Variants in KCNIP4 observed in about 807,000 individuals in gnomAD.
KCNIP4 encodes potassium voltage-gated channel interacting protein 4.
In KCNIP4, 12 loss-of-function variants were observed where a neutral mutation model predicts 34.0. The ratio of observed to expected loss-of-function variants is 0.35; its 90% CI spans 0.23 to 0.57. The LOEUF is 0.57. KCNIP4 is among the 20% of genes least tolerant of loss of function. The probability of loss-of-function intolerance (pLI) is 0.83; values close to 1 mark genes in which losing one functional copy is unlikely to be tolerated. For missense variants in KCNIP4, 238 were observed against 311.7 expected (o/e 0.76, Z 1.78); for synonymous variants, 124 against 102.2 (o/e 1.21, Z -1.29).
At chr4:21,065,526 A>G (rs969251327) in intron 1 of KCNIP4, among the ~76,000 whole-genome samples, 1 of 151,940 alleles carries the variant, frequency 6.6e-6, no homozygotes, top group Non-Finnish European at 1.5e-5. Context: ...CTATTAATCG[A>G]TTATTATAAT....
chr4:21,226,778 G>A (rs1758438883), intron 1 of KCNIP4, among the ~76,000 whole-genome samples: 1 of 152,142 alleles, frequency 6.6e-6, no homozygotes, highest in Non-Finnish European at 1.5e-5. Flanking sequence ...GAAGCACTGA[G>A]GTGTAGTGAA....
In KCNIP4 at chr4:21,765,836, A is replaced by AC. The variant is rs201088236; in HGVS notation, c.61+182734_61+182735insG. The stretch of plus-strand genomic sequence containing the variant: ...CAGGCCGTGAAAAAAAAAAAAAAAA[A>AC]AAACAAACTGAAGATGTGTATGTGA... On this transcript the variant is annotated intron_variant, in intron 1 of 8. Transcript: ENST00000382152. 2.8e-3 allele frequency among the ~76,000 whole-genome samples: 418 copies of AC among 149,658 alleles called. 1 individual carries two copies. The highest frequency in any genetic ancestry group is 4.6e-3 in the Non-Finnish European group (314 of 67,700).
chr4:21,199,753 G>GCAGCATGCACACATATGTTTATTA (rs1443587701), intron 1 of KCNIP4, among the ~76,000 whole-genome samples: 1 of 151,678 alleles, frequency 6.6e-6, no homozygotes, highest in Admixed American at 6.6e-5. Flanking sequence ...TATGTTTATT[G>GCAGCATGCACACATATGTTTATTA]CAGCACTACT....
chr4:21,557,460 A>G (rs1739159968), intron 1 of KCNIP4, among the ~76,000 whole-genome samples: 1 of 152,164 alleles, frequency 6.6e-6, no homozygotes, highest in Admixed American at 6.6e-5. Flanking sequence ...TATATGGATG[A>G]ACCTCATGAC....
At chr4:20,771,721 G>T (rs1394633787) in intron 3 of KCNIP4, among the ~76,000 whole-genome samples, 1 of 151,922 alleles carries the variant, frequency 6.6e-6, no homozygotes, top group Non-Finnish European at 1.5e-5. Flanking sequence ...CCAGGCTGGA[G>T]TGCAGTGCTG....
intron 1 of KCNIP4, among the ~76,000 whole-genome samples, chr4:21,659,668 T>C (rs377284197): frequency 1.6e-4 from 25 of 152,288 alleles, no homozygotes; most frequent in African/African-American, 5.5e-4. Context: ...GGTGAGTACT[T>C]AATAAACCAC....
At chr4:20,765,917 T>C (rs563056266) in intron 3 of KCNIP4, among the ~76,000 whole-genome samples, 8 of 152,300 alleles carry the variant, frequency 5.3e-5, no homozygotes, top group African/African-American at 1.9e-4. Flanking sequence ...TCAAGATTAG[T>C]TGTAGATATG....
chr4:21,448,755 G>A (rs1193185199), intron 1 of KCNIP4, among the ~76,000 whole-genome samples: 4 of 152,044 alleles, frequency 2.6e-5, no homozygotes, highest in African/African-American at 4.8e-5. Context: ...ATATAGCTGA[G>A]GGATCCACTC....
intron 1 of KCNIP4, among the ~76,000 whole-genome samples, chr4:21,558,565 A>C (rs1739265226): frequency 6.6e-6 from 1 of 151,560 alleles, no homozygotes; most frequent in Non-Finnish European, 1.5e-5. Flanking sequence ...TTCAGGATTT[A>C]AATTTGCCAA....
intron 1 of KCNIP4, among the ~76,000 whole-genome samples, chr4:20,909,183 A>C (rs897931971): frequency 6.6e-6 from 1 of 152,214 alleles, no homozygotes; most frequent in Non-Finnish European, 1.5e-5. Flanking sequence ...ATCATATATG[A>C]AATTGTTACT....
chr4:21,948,627 T>C lies in KCNIP4; in HGVS notation c.5A>G (p.Asn2Ser), dbSNP rs1350644639. 1 of 1,612,636 alleles carries C rather than the reference T, an allele frequency of 6.2e-7. No homozygotes were observed. The highest frequency in any genetic ancestry group is 2.2e-5 in the East Asian group (1 of 44,836). MNVRRVESISAQ... is the reference protein window; with the variant it reads MSVRRVESISAQ... The stretch of plus-strand genomic sequence containing the variant: ...CGAAATGCTTTCCACCCTCCTCACA[T>C]TCATGTCTAGGGACGCAGGGTGCAG... Residue 2 changes from asparagine to serine, a missense_variant, in exon 1 of 9, where the codon AAT becomes AGT. By Grantham distance (46) the Asn-to-Ser change is conservative. Transcript: ENST00000382152.
At chr4:20,916,217 C>G in intron 1 of KCNIP4, 1 of 536,110 alleles carries the variant, frequency 1.9e-6, no homozygotes, top group Non-Finnish European at 2.4e-6. Context: ...ACCCCTAACT[C>G]TCTCAGGTTC....
chr4:21,582,226 C>G (rs575686018), intron 1 of KCNIP4: 2 of 152,038 alleles, frequency 1.3e-5, no homozygotes, highest in Non-Finnish European at 2.9e-5. Context: ...AGGTAATATT[C>G]AAAGTCATCT....
intron 1 of KCNIP4, among the ~76,000 whole-genome samples, chr4:21,521,419 A>G (rs1417205621): frequency 6.6e-6 from 1 of 152,144 alleles, no homozygotes; most frequent in Non-Finnish European, 1.5e-5. Context: ...ATGTTCTATC[A>G]AGTGTCAGCT....
intron 1 of KCNIP4, among the ~76,000 whole-genome samples, chr4:21,530,385 A>C (rs200919180): frequency 6.6e-6 from 1 of 152,170 alleles, no homozygotes; most frequent in Non-Finnish European, 1.5e-5. Flanking sequence ...TTTACAATTC[A>C]GTTTGGTGAG....
At chr4:21,934,397 C>A (rs1729734470) in intron 1 of KCNIP4, among the ~76,000 whole-genome samples, 1 of 152,066 alleles carries the variant, frequency 6.6e-6, no homozygotes, top group African/African-American at 2.4e-5. Flanking sequence ...TTTTCCCAAC[C>A]CACAAACCTA....
rs138813279 is a variant in KCNIP4 at position 21,224,962 on chromosome 4, A to G, written c.62-342253T>C. On this transcript the variant is annotated intron_variant, in intron 1 of 8. Transcript: ENST00000382152. The stretch of plus-strand genomic sequence containing the variant: ...TGTACAGTATTCAATAAATTACATG[A>G]AGTATTCAACACCTTATTATAAAAT... Among the ~76,000 whole-genome samples the G allele has an allele frequency of 7.9e-5, 12 of 152,248 alleles. No homozygotes were observed. The East Asian group carries it at 1.9e-3, about 25-fold the overall frequency.
At chr4:21,132,811 C>G (rs1751175229) in intron 1 of KCNIP4, among the ~76,000 whole-genome samples, 1 of 148,502 alleles carries the variant, frequency 6.7e-6, no homozygotes, top group Non-Finnish European at 1.5e-5. Flanking sequence ...GAGTTCGAGA[C>G]CAGCCTGGGC....
At chr4:21,506,776 C>T (rs1206155475) in intron 1 of KCNIP4, among the ~76,000 whole-genome samples, 1 of 152,048 alleles carries the variant, frequency 6.6e-6, no homozygotes, top group African/African-American at 2.4e-5. Context: ...TTACAGGTGA[C>T]ACAAATTTTA....
Sources: gnomAD v4.1 joint callset for allele counts (sites outside exome capture counted in the v4.1 genomes callset) on GRCh38, gnomAD v4.1.1 for gene constraint, MANE v1.5 for transcripts, NCBI Gene and HGNC (gene_info 2026-07-23, HGNC 2026-07-21) for gene names.